The following KHSRP variants were observed in gnomAD, a reference collection of about 807,000 sequenced individuals.
KHSRP encodes the protein far upstream element-binding protein 2.
KHSRP carries 13 observed loss-of-function variants against 94.9 expected under a neutral mutation model. That is an observed-to-expected ratio of 0.14 (90% CI 0.09 to 0.22). The LOEUF (loss-of-function observed/expected upper bound fraction) is 0.22. Among genes scored for constraint, KHSRP ranks in the 10% least tolerant of loss-of-function variants. The probability of loss-of-function intolerance (pLI) is 1.00; values close to 1 mark genes in which losing one functional copy is unlikely to be tolerated. For synonymous variants in KHSRP, 495 were observed against 401.4 expected, an observed-to-expected ratio of 1.23 and a Z score of -2.79; for missense variants, 710 against 1,010.0, an observed-to-expected ratio of 0.70 and a Z score of 4.03.
intron 6 of KHSRP, 81 bp downstream of exon 6, chr19:6,419,992 C>T (rs1313201284): frequency 3.7e-6 from 4 of 1,070,950 alleles, no homozygotes; most frequent in Admixed American, 2.0e-5. Flanking sequence ...CCACAGTCCC[C>T]GTGGAAATTA....
Position 6,424,745 on chromosome 19 carries a change from G to T in KHSRP, c.-44C>A. 1.4e-6 allele frequency: 1 copy of T among 707,626 alleles called. No individual in the cohort carries two copies. Among genetic ancestry groups the T allele is most frequent in the Non-Finnish European group, 1.8e-6 (1 of 565,518 alleles). The allele number at this position is 707,626 out of a possible 1,614,324, so 43.8% of individuals were successfully genotyped here. ...CTGGCGCGGAGGCTGAAGCTGAGGA[G>T]GCGGCGGCGGCGGCGGCGGCTCAAC... On this transcript the variant is annotated 5_prime_UTR_variant, in exon 1 of 19. Coordinates refer to ENST00000600480, the MANE Select transcript of KHSRP (RefSeq NM_001366299.1).
chr19:6,424,808 C>T lies in KHSRP; in HGVS notation c.-107G>A, dbSNP rs1487315507. ...CCTCGCTCCACACGGCCGCGGAGCA[C>T]TCTGGGAACCCAGCCGCTGGGAGGA... is the stretch of plus-strand genomic sequence containing the variant. On this transcript the variant is annotated 5_prime_UTR_variant, in exon 1 of 19. It adds an upstream start codon to the 5' untranslated region. Coordinates refer to ENST00000600480, the MANE Select transcript of KHSRP (RefSeq NM_001366299.1). The T allele has an allele frequency of 1.8e-5, 5 of 277,576 alleles. No homozygotes were observed. The highest frequency in any genetic ancestry group is 2.8e-5 in the Non-Finnish European group (5 of 181,372). The allele number at this position is 277,576 out of a possible 1,614,324, so 17.2% of individuals were successfully genotyped here. A position where few individuals can be genotyped will look rare whatever the true frequency, so the allele number is the denominator to read the frequency against.
Position 6,414,245 on chromosome 19 carries a change from G to C in KHSRP, c.*779C>G, listed in dbSNP as rs766000184. ...CCAGGAAGCCCCCTCCCAAACCTGC[G>C]CTGGCTCAGGCTGGAAGGACGTGCT... On this transcript the variant is annotated 3_prime_UTR_variant, in exon 19 of 19. Coordinates refer to ENST00000600480, the MANE Select transcript of KHSRP (RefSeq NM_001366299.1). 2 of 1,488,732 alleles carry C rather than the reference G, an allele frequency of 1.3e-6. No individual in the cohort carries two copies. Among genetic ancestry groups the C allele is most frequent in the Non-Finnish European group, 1.8e-6 (2 of 1,117,934 alleles). The allele number at this position is 1,488,732 out of a possible 1,614,324, so 92.2% of individuals were successfully genotyped here. A position where few individuals can be genotyped will look rare whatever the true frequency, so the allele number is the denominator to read the frequency against.
At chr19:6,423,159 A>G (rs1011098366) in intron 1 of KHSRP, among the ~76,000 whole-genome samples, 1 of 152,166 alleles carries the variant, frequency 6.6e-6, no homozygotes, top group African/African-American at 2.4e-5. Context: ...CACACTTATA[A>G]TCCCAGCTAC....
intron 2 of KHSRP, 151 bp from the exon 3 acceptor site, chr19:6,421,839 T>C (rs966319468): frequency 5.8e-6 from 5 of 856,122 alleles, no homozygotes; most frequent in Non-Finnish European, 9.1e-6. Context: ...GACTGGCCCC[T>C]GAGGGAGGCC....
chr19:6,419,176 A>T (rs1352742488), intron 7 of KHSRP, 27 bp downstream of exon 7: 3 of 1,564,696 alleles, frequency 1.9e-6, no homozygotes, highest in Non-Finnish European at 2.6e-6. Flanking sequence ...CCCCCACATC[A>T]CAATGAGAGG....
In KHSRP at chr19:6,414,705, A is replaced by C. The variant is rs1280274602; in HGVS notation, c.*319T>G. 13 of 1,028,328 alleles carry C rather than the reference A, an allele frequency of 1.3e-5. No homozygotes were observed. Among genetic ancestry groups the C allele is most frequent in the Non-Finnish European group, 1.4e-5 (12 of 858,598 alleles). The allele number at this position is 1,028,328 out of a possible 1,614,324, so 63.7% of individuals were successfully genotyped here. On this transcript the variant is annotated 3_prime_UTR_variant, in exon 19 of 19. Transcript: ENST00000600480. ...GGGTTTAAAAAATAAAAGAATAAAA[A>C]GAACAAAAACCAAAAAAGTGATGCA...
chr19:6,413,158 G>A lies in KHSRP; in HGVS notation c.*1866C>T, dbSNP rs1283908658. Among the ~76,000 whole-genome samples, 2 of 145,362 alleles carry A rather than the reference G, an allele frequency of 1.4e-5. No individual in the cohort carries two copies. Among genetic ancestry groups the A allele is most frequent in the Non-Finnish European group, 3.0e-5 (2 of 66,396 alleles). ...AAAAAAAAAAAAGGGGGGGGGGCAC[G>A]GTTAGGAAAGCACATTGAGCCTGAA... On this transcript the variant is annotated 3_prime_UTR_variant, in exon 19 of 19. Transcript: ENST00000600480.
Position 6,420,984 on chromosome 19 carries a change from C to T in KHSRP, c.425+294G>A, listed in dbSNP as rs539868529. 41 of 453,676 alleles carry T rather than the reference C, an allele frequency of 9.0e-5. 1 individual carries two copies. The South Asian group carries it at 9.1e-4, about 10-fold the overall frequency. The allele number at this position is 453,676 out of a possible 1,614,324, so 28.1% of individuals were successfully genotyped here. On this transcript the variant is annotated intron_variant, in intron 4 of 18. Coordinates refer to ENST00000600480, the MANE Select transcript of KHSRP (RefSeq NM_001366299.1). ...GCCCTCCTAGCCTCTTCCAGGAAGACGACATTTGTGCTGCTCAGAGTCCCC... is the reference window on the plus strand; with the variant it reads ...GCCCTCCTAGCCTCTTCCAGGAAGATGACATTTGTGCTGCTCAGAGTCCCC...
At position 6,417,851 on chromosome 19, in the gene KHSRP, G is replaced by A. The variant is rs773019193; in HGVS notation, c.979-10C>T. The A allele has an allele frequency of 1.9e-6, 3 of 1,613,026 alleles. No homozygotes were observed. The highest frequency in any genetic ancestry group is 1.1e-5 in the South Asian group (1 of 91,040). ...GCCTGGGCACTGGCACCTGGGGAGG[G>A]AGGCAGCAGCGTCAGCTCGGCCCGC... On this transcript the variant is annotated splice_polypyrimidine_tract_variant and intron_variant, in intron 10 of 18. Transcript: ENST00000600480.
At position 6,413,970 on chromosome 19, in the gene KHSRP, CCA is replaced by C; in HGVS notation, c.*1052_*1053del. The C allele has an allele frequency of 8.8e-7, 1 of 1,135,110 alleles. No individual in the cohort carries two copies. The highest frequency in any genetic ancestry group is 1.2e-6 in the Non-Finnish European group (1 of 824,230). 70.3% of individuals were successfully genotyped at this position (1,135,110 alleles called of 1,614,324 possible). The stretch of plus-strand genomic sequence containing the variant: ...GGCCCGGCATGCCCCCAAGTCCCCC[CCA>C]CCCTGCTTGCCGCGAGGGCTCCCCA... On this transcript the variant is annotated 3_prime_UTR_variant, in exon 19 of 19. Transcript: ENST00000600480.
chr19:6,424,355 C>CA (rs2092217903), intron 1 of KHSRP, 98 bp downstream of exon 1: 1 of 490,992 alleles, frequency 2.0e-6, no homozygotes, highest in African/African-American at 2.1e-5. Context: ...CCCCGGCCCC[C>CA]CTCCGCGACC....
chr19:6,422,298 C>T, intron 2 of KHSRP, 42 bp downstream of exon 2: 1 of 1,410,916 alleles, frequency 7.1e-7, no homozygotes, highest in Non-Finnish European at 1.0e-6. Flanking sequence ...CTTTAGGCCC[C>T]CAGCCCTTCC....
In KHSRP at chr19:6,419,243, C is replaced by T. The variant is rs2092179506; in HGVS notation, c.565G>A (p.Glu189Lys). Reference sequence around the variant, plus strand: ...GCTCCTGTCAAGGACACACTGCGCTCGGGTAGGCCACCGCTGTCTGAAAAG... The same window carrying T: ...GCTCCTGTCAAGGACACACTGCGCTTGGGTAGGCCACCGCTGTCTGAAAAG... ...QISPDSGGLP[E>K]RSVSLTGAPE... Residue 189 changes from glutamate (E) to lysine (K), a missense_variant, in exon 7 of 19, where the codon GAG becomes AAG. By Grantham distance (56) the Glu-to-Lys change is moderately conservative. Transcript: ENST00000600480. 4 of 1,581,260 alleles carry T rather than the reference C, an allele frequency of 2.5e-6. No homozygotes were observed. The highest frequency in any genetic ancestry group is 3.4e-6 in the Non-Finnish European group (4 of 1,163,932).
Position 6,417,855 on chromosome 19 carries a change from C to T in KHSRP, c.979-14G>A, listed in dbSNP as rs1214350348. On this transcript the variant is annotated splice_polypyrimidine_tract_variant and intron_variant, in intron 10 of 18. Transcript: ENST00000600480. ...GGGCACTGGCACCTGGGGAGGGAGG[C>T]AGCAGCGTCAGCTCGGCCCGCAGCT... 1.2e-6 allele frequency: 2 copies of T among 1,612,068 alleles called. No homozygotes were observed. The highest frequency in any genetic ancestry group is 2.2e-5 in the South Asian group (2 of 90,996).
chr19:6,415,365 A>C lies in KHSRP; in HGVS notation c.1966+15T>G, dbSNP rs767686101. The C allele has an allele frequency of 3.7e-6, 6 of 1,609,018 alleles. No homozygotes were observed. Among genetic ancestry groups the C allele is most frequent in the Non-Finnish European group, 4.2e-6 (5 of 1,177,928 alleles). On this transcript the variant is annotated intron_variant, in intron 18 of 18. Coordinates refer to ENST00000600480, the MANE Select transcript of KHSRP (RefSeq NM_001366299.1). Reference sequence around the variant, plus strand: ...GGGCTGCCCCTGCCCCTGTCCCCGCATGGTGGCCACTCACCTTGCTTCTTG... The same window carrying C: ...GGGCTGCCCCTGCCCCTGTCCCCGCCTGGTGGCCACTCACCTTGCTTCTTG...
Position 6,418,613 on chromosome 19 carries a change from G to A in KHSRP, c.781-32C>T, listed in dbSNP as rs371220300. 14 of 1,612,196 alleles carry A rather than the reference G, an allele frequency of 8.7e-6. No individual in the cohort carries two copies. Among genetic ancestry groups the A allele is most frequent in the African/African-American group, 1.3e-5 (1 of 74,898 alleles). On this transcript the variant is annotated intron_variant, in intron 8 of 18. Coordinates refer to ENST00000600480, the MANE Select transcript of KHSRP (RefSeq NM_001366299.1). This position sits in a 1 kb window ranked among gnomAD's most constrained non-coding sequence, Gnocchi z 4.3. ...AAGCAAGGTTAACCGTTAGTGCTGG[G>A]CTCTCCCAGGACTTCCTGGGCTGCT...
At position 6,420,479 on chromosome 19, in the gene KHSRP, G is replaced by A; in HGVS notation, c.426-8C>T. The A allele has an allele frequency of 6.2e-7, 1 of 1,613,880 alleles. No homozygotes were observed. Among genetic ancestry groups the A allele is most frequent in the Non-Finnish European group, 8.5e-7 (1 of 1,179,806 alleles). ...TCTTCTGTCATTGAAGTCCTGTAAA[G>A]AGACACGCCAAAGGTCAGTCCTCAA... On this transcript the variant is annotated splice_region_variant and splice_polypyrimidine_tract_variant and intron_variant, in intron 4 of 18. Transcript: ENST00000600480.
chr19:6,417,437 T>C (rs1390891221), intron 11 of KHSRP, among the ~76,000 whole-genome samples: 1 of 152,106 alleles, frequency 6.6e-6, no homozygotes, highest in Admixed American at 6.6e-5. Context: ...AGAGCTGAGG[T>C]GGAGTGCCCT....
Sources: allele counts gnomAD v4.1 joint callset (sites outside exome capture counted in the v4.1 genomes callset), GRCh38; gene constraint gnomAD v4.1.1; non-coding constraint Gnocchi (gnomAD v3.1); transcripts MANE v1.5; gene names NCBI Gene and HGNC (gene_info 2026-07-23, HGNC 2026-07-21).